Variants in KIF16B observed in about 807,000 individuals in gnomAD.
KIF16B encodes kinesin-like protein KIF16B.
Under a neutral mutation model 156.3 loss-of-function variants are expected in KIF16B, and 98 were observed. The observed-to-expected ratio is 0.63, with a 90% confidence interval of 0.53 to 0.74. The LOEUF (loss-of-function observed/expected upper bound fraction) is 0.74, where lower values mean the gene tolerates loss of function less well. Among genes scored for constraint, KIF16B ranks in the 30% least tolerant of loss-of-function variants. The probability of loss-of-function intolerance (pLI) is 0.00; values close to 1 mark genes in which losing one functional copy is unlikely to be tolerated. For missense variants in KIF16B, 1,421 were observed against 1,606.5 expected, an observed-to-expected ratio of 0.88 and a Z score of 1.97; for synonymous variants, 564 against 583.7, an observed-to-expected ratio of 0.97 and a Z score of 0.49.
At chr20:16,550,427 G>A (rs2070596385) in intron 1 of KIF16B, among the ~76,000 whole-genome samples, 1 of 151,960 alleles carries the variant, frequency 6.6e-6, no homozygotes, top group Non-Finnish European at 1.5e-5. Context: ...AACCATTGTG[G>A]AAGTCAGTGT....
intron 15 of KIF16B, among the ~76,000 whole-genome samples, chr20:16,416,206 T>C (rs999989505): frequency 7.2e-5 from 11 of 152,232 alleles, no homozygotes; most frequent in African/African-American, 2.4e-4. Context: ...AGAAGCTCTT[T>C]AGTTTAATTA....
Position 16,350,609 on chromosome 20 carries a change from C to T in KIF16B, c.3621+5721G>A, listed in dbSNP as rs187829943. On this transcript the variant is annotated intron_variant, in intron 23 of 25. Coordinates refer to ENST00000354981, the MANE Select transcript of KIF16B (RefSeq NM_024704.5). ...ACTCGGACACAATCAAGAAGCTCGA[C>T]TTGCCCACACTCTCCCTGCATGACT... Among the ~76,000 whole-genome samples, 585 of 152,018 alleles carry T rather than the reference C, an allele frequency of 3.8e-3. 3 individuals carry two copies. Among genetic ancestry groups the T allele is most frequent in the Non-Finnish European group, 6.7e-3 (456 of 67,992 alleles).
intron 25 of KIF16B, among the ~76,000 whole-genome samples, chr20:16,294,079 G>C (rs1019499742): frequency 2.0e-5 from 3 of 152,180 alleles, no homozygotes; most frequent in African/African-American, 7.2e-5. Context: ...AGTTGCTGCT[G>C]GGGAAGGGGA....
At chr20:16,283,949 C>T (rs946294321) in intron 25 of KIF16B, among the ~76,000 whole-genome samples, 3 of 152,176 alleles carry the variant, frequency 2.0e-5, no homozygotes, top group Admixed American at 6.5e-5. Flanking sequence ...TTCCTAAAGA[C>T]CACCTACATT....
At chr20:16,470,915 C>T (rs548831282) in intron 12 of KIF16B, among the ~76,000 whole-genome samples, 2 of 152,000 alleles carry the variant, frequency 1.3e-5, no homozygotes, top group South Asian at 4.1e-4. Flanking sequence ...GAACATAGCA[C>T]CTTCACTCCG....
At chr20:16,406,520 A>G in intron 15 of KIF16B, 64 bp from the exon 16 acceptor site, 1 of 1,266,860 alleles carries the variant, frequency 7.9e-7, no homozygotes, top group African/African-American at 1.5e-5. Context: ...CCAATACCAT[A>G]ACATGGAATT....
chr20:16,310,042 G>T (rs913826), intron 25 of KIF16B, among the ~76,000 whole-genome samples: 110,044 of 152,142 alleles, frequency 0.72, 40,761 homozygotes, highest in East Asian at 0.99. Context: ...AACTCGAGAA[G>T]CTCAGATTAA....
At chr20:16,504,793 A>G (rs1268640166) in intron 9 of KIF16B, among the ~76,000 whole-genome samples, 1 of 152,186 alleles carries the variant, frequency 6.6e-6, no homozygotes, top group African/African-American at 2.4e-5. Context: ...CTAAAATGAG[A>G]TATGAGACAT....
chr20:16,315,372 G>A (rs898725065), intron 24 of KIF16B, among the ~76,000 whole-genome samples: 1 of 152,122 alleles, frequency 6.6e-6, no homozygotes, highest in Non-Finnish European at 1.5e-5. Context: ...AGACACCCAA[G>A]CCCAGAGCTA....
chr20:16,449,414 C>T (rs1298377761), intron 12 of KIF16B, among the ~76,000 whole-genome samples: 3 of 152,210 alleles, frequency 2.0e-5, no homozygotes, highest in Non-Finnish European at 4.4e-5. Flanking sequence ...AAGTGACTTT[C>T]ACAGCAGTTT....
intron 1 of KIF16B, among the ~76,000 whole-genome samples, chr20:16,540,241 A>G (rs919652163): frequency 6.6e-6 from 1 of 152,196 alleles, no homozygotes; most frequent in African/African-American, 2.4e-5. Context: ...AGATGCACAA[A>G]ACATTTCTGA....
chr20:16,377,945 T>C (rs1022992661), intron 19 of KIF16B, among the ~76,000 whole-genome samples: 2 of 152,196 alleles, frequency 1.3e-5, no homozygotes, highest in Admixed American at 1.3e-4. Context: ...ACAACAAAAA[T>C]ACTATCAGTA....
chr20:16,432,388 G>C (rs578086756), intron 12 of KIF16B, among the ~76,000 whole-genome samples: 1 of 152,202 alleles, frequency 6.6e-6, no homozygotes, highest in Non-Finnish European at 1.5e-5. Context: ...GACTCCTATA[G>C]TCAAGACGCA....
intron 15 of KIF16B, among the ~76,000 whole-genome samples, chr20:16,409,549 G>C (rs1044245463): frequency 9.2e-5 from 14 of 152,100 alleles, no homozygotes; most frequent in Non-Finnish European, 1.8e-4. Context: ...AACAGGGCAA[G>C]AGTGAATATG....
chr20:16,316,736 T>C (rs1228300543), intron 24 of KIF16B, among the ~76,000 whole-genome samples: 2 of 152,220 alleles, frequency 1.3e-5, no homozygotes, highest in Non-Finnish European at 1.5e-5. Context: ...TGCAAAGCTA[T>C]TGCCTCATTT....
intron 15 of KIF16B, among the ~76,000 whole-genome samples, chr20:16,407,890 T>C (rs77903865): frequency 0.042 from 6,316 of 152,188 alleles, 136 homozygotes; most frequent in African/African-American, 0.062. Flanking sequence ...GTCTGGGTAC[T>C]TTTCTAGCAT....
intron 23 of KIF16B, among the ~76,000 whole-genome samples, chr20:16,337,235 C>T (rs1316772721): frequency 2.0e-5 from 3 of 152,106 alleles, no homozygotes; most frequent in Non-Finnish European, 4.4e-5. Context: ...AAGGGAAATG[C>T]TCTTCTCAAG....
intron 1 of KIF16B, among the ~76,000 whole-genome samples, chr20:16,546,538 T>C (rs2070412102): frequency 6.6e-6 from 1 of 152,198 alleles, no homozygotes; most frequent in South Asian, 2.1e-4. Context: ...CACTTTAACA[T>C]AACCTTTCTG....
At chr20:16,327,939 T>C (rs1264919266) in intron 24 of KIF16B, among the ~76,000 whole-genome samples, 1 of 152,188 alleles carries the variant, frequency 6.6e-6, no homozygotes, top group Non-Finnish European at 1.5e-5. Flanking sequence ...AGATTTGCAA[T>C]TTTTATATTA....
Sources: allele counts gnomAD v4.1 joint callset (sites outside exome capture counted in the v4.1 genomes callset), GRCh38; gene constraint gnomAD v4.1.1; transcripts MANE v1.5; gene names NCBI Gene and HGNC (gene_info 2026-07-23, HGNC 2026-07-21).